Variants in PPP4R4 observed in about 807,000 individuals in gnomAD.
The protein encoded by PPP4R4 is protein phosphatase 4 regulatory subunit 4.
Under a neutral mutation model 121.8 loss-of-function variants are expected in PPP4R4, and 70 were observed. The observed-to-expected ratio is 0.57, with a 90% CI of 0.47 to 0.70. The LOEUF is 0.70. PPP4R4 is among the 30% of genes least tolerant of loss of function. PPP4R4 has a pLI of 0.00. For missense variants in PPP4R4, 875 were observed against 1,033.6 expected (o/e 0.85, Z 2.10); for synonymous variants, 348 against 355.7 (o/e 0.98, Z 0.24).
chr14:94,277,013 A>G (rs1417861945), intron 24 of PPP4R4, among the ~76,000 whole-genome samples: 1 of 152,186 alleles, frequency 6.6e-6, no homozygotes, highest in African/African-American at 2.4e-5. Context: ...AAAAGTCATG[A>G]AAGTGCCAGG....
chr14:94,271,858 T>C (rs1894352314), intron 23 of PPP4R4, among the ~76,000 whole-genome samples: 1 of 152,216 alleles, frequency 6.6e-6, no homozygotes, highest in South Asian at 2.1e-4. Context: ...GAGTATGTCC[T>C]ATATTCCAGC....
chr14:94,188,301 G>A lies in PPP4R4; in HGVS notation c.191+12174G>A, dbSNP rs533275638. ...GGAATAAATCCTACCTGTTCATTAT[G>A]TATTAGTCTTTTTATATGTTTCTAG... is the stretch of plus-strand genomic sequence containing the variant. On this transcript the variant is annotated intron_variant, in intron 2 of 24. Transcript: ENST00000304338. 3.4e-4 allele frequency among the ~76,000 whole-genome samples: 52 copies of A among 152,142 alleles called. No homozygotes were observed. In the South Asian group the frequency reaches 0.01, roughly 30 times the overall value.
chr14:94,269,878 A>G (rs1199627215), intron 23 of PPP4R4, among the ~76,000 whole-genome samples: 1 of 152,214 alleles, frequency 6.6e-6, no homozygotes, highest in Non-Finnish European at 1.5e-5. Flanking sequence ...GAGAACTAAC[A>G]AGTAAATGTG....
At chr14:94,220,998 T>C (rs1891357563) in intron 3 of PPP4R4, among the ~76,000 whole-genome samples, 1 of 152,146 alleles carries the variant, frequency 6.6e-6, no homozygotes, top group Non-Finnish European at 1.5e-5. Flanking sequence ...ACATAATATA[T>C]AGCCACAGCA....
intron 7 of PPP4R4, among the ~76,000 whole-genome samples, chr14:94,236,177 CT>C (rs1892337959): frequency 6.6e-6 from 1 of 151,950 alleles, no homozygotes; most frequent in Non-Finnish European, 1.5e-5. Flanking sequence ...AAAGAGTTAT[CT>C]GTTATGATTA....
chr14:94,222,234 T>C (rs922097538), intron 3 of PPP4R4, among the ~76,000 whole-genome samples: 2 of 152,000 alleles, frequency 1.3e-5, no homozygotes, highest in Admixed American at 6.5e-5. Flanking sequence ...CTATTTCTCT[T>C]ATTTATTTTA....
At chr14:94,252,848 T>C (rs963035187) in intron 16 of PPP4R4, among the ~76,000 whole-genome samples, 5 of 152,206 alleles carry the variant, frequency 3.3e-5, no homozygotes, top group African/African-American at 1.2e-4. Context: ...TATAAACAAC[T>C]GATGTGAATT....
At chr14:94,242,056 G>A in intron 10 of PPP4R4, 99 bp downstream of exon 10, 1 of 1,251,558 alleles carries the variant, frequency 8.0e-7, no homozygotes, top group South Asian at 1.4e-5. Context: ...GACACTTGCT[G>A]CTTGCATTAT....
chr14:94,277,789 A>G (rs1164210576), intron 24 of PPP4R4, among the ~76,000 whole-genome samples: 1 of 152,064 alleles, frequency 6.6e-6, no homozygotes, highest in Non-Finnish European at 1.5e-5. Context: ...GTAGTTATTT[A>G]TATAATTTAT....
chr14:94,180,965 G>A (rs1346251389), intron 2 of PPP4R4, among the ~76,000 whole-genome samples: 1 of 152,154 alleles, frequency 6.6e-6, no homozygotes, highest in East Asian at 1.9e-4. Context: ...TTGGGTTCAA[G>A]ACTAGGATAG....
At chr14:94,212,982 C>A (rs946415514) in intron 3 of PPP4R4, among the ~76,000 whole-genome samples, 3 of 152,106 alleles carry the variant, frequency 2.0e-5, no homozygotes, top group Admixed American at 6.5e-5. Context: ...TAAAAGAAAT[C>A]GAGCAATTCC....
At chr14:94,272,534 G>A (rs1029316222) in intron 23 of PPP4R4, among the ~76,000 whole-genome samples, 3 of 152,096 alleles carry the variant, frequency 2.0e-5, no homozygotes, top group African/African-American at 7.2e-5. Context: ...AATGTAAAAT[G>A]CAAAACTATA....
intron 8 of PPP4R4, 115 bp downstream of exon 8, chr14:94,237,801 C>T (rs1475664125): frequency 3.1e-6 from 4 of 1,292,800 alleles, no homozygotes; most frequent in African/African-American, 1.5e-5. Context: ...CTCCCTTCCT[C>T]TCCCTCTTTT....
At chr14:94,180,179 A>G (rs919071119) in intron 2 of PPP4R4, among the ~76,000 whole-genome samples, 1 of 152,100 alleles carries the variant, frequency 6.6e-6, no homozygotes, top group Non-Finnish European at 1.5e-5. Flanking sequence ...CTTCCTTGCT[A>G]CTTAGGTGCT....
chr14:94,275,251 T>TTA (rs1894570031), intron 23 of PPP4R4, 123 bp from the exon 24 acceptor site: 3 of 1,119,758 alleles, frequency 2.7e-6, no homozygotes, highest in Non-Finnish European at 3.9e-6. Context: ...TGTATGTAAA[T>TTA]TATACCCTCA....
At chr14:94,226,260 C>T (rs1186303241) in intron 3 of PPP4R4, among the ~76,000 whole-genome samples, 3 of 152,210 alleles carry the variant, frequency 2.0e-5, no homozygotes, top group Middle Eastern at 3.4e-3. Flanking sequence ...TGTATATTTA[C>T]AATAGTCATA....
At chr14:94,254,735 C>T (rs1195956248) in intron 16 of PPP4R4, among the ~76,000 whole-genome samples, 1 of 152,204 alleles carries the variant, frequency 6.6e-6, no homozygotes, top group African/African-American at 2.4e-5. Flanking sequence ...ACCCACCTAG[C>T]ATCCCTCTCT....
intron 2 of PPP4R4, among the ~76,000 whole-genome samples, chr14:94,176,725 T>C (rs1274038531): frequency 6.6e-6 from 1 of 152,246 alleles, no homozygotes. Flanking sequence ...TTCTGAACTA[T>C]TTAAAACATT....
At chr14:94,271,898 G>A (rs1443536455) in intron 23 of PPP4R4, among the ~76,000 whole-genome samples, 1 of 152,060 alleles carries the variant, frequency 6.6e-6, no homozygotes, top group East Asian at 1.9e-4. Context: ...AAAATTAAAA[G>A]CAAAATACCA....
Sources: gnomAD v4.1 joint callset for allele counts (sites outside exome capture counted in the v4.1 genomes callset) on GRCh38, gnomAD v4.1.1 for gene constraint, MANE v1.5 for transcripts, NCBI Gene and HGNC (gene_info 2026-07-23, HGNC 2026-07-21) for gene names.